TMCC1: variants seen among roughly 807,000 people sequenced by gnomAD.
The protein encoded by TMCC1 is transmembrane and coiled-coil domain family 1, also known as transmembrane and coiled-coil domains protein 1.
A neutral mutation model predicts 52.4 loss-of-function variants in TMCC1; 15 were observed. The ratio of observed to expected loss-of-function variants is 0.29; its 90% CI spans 0.19 to 0.44. The LOEUF (loss-of-function observed/expected upper bound fraction) is 0.44. TMCC1 is among the 20% of genes least tolerant of loss of function. The pLI is 1.00. For synonymous variants in TMCC1, 279 were observed against 301.9 expected, an observed-to-expected ratio of 0.92 and a Z score of 0.79; for missense variants, 503 against 806.0, an observed-to-expected ratio of 0.62 and a Z score of 4.55.
intron 2 of TMCC1, among the ~76,000 whole-genome samples, chr3:129,870,452 T>C (rs2060857065): frequency 6.6e-6 from 1 of 151,942 alleles, no homozygotes; most frequent in South Asian, 2.1e-4. Context: ...TGGTGGCTAA[T>C]GAGGCTGGAC....
intron 4 of TMCC1, among the ~76,000 whole-genome samples, chr3:129,732,495 C>T (rs2050622121): frequency 6.6e-6 from 1 of 152,124 alleles, no homozygotes; most frequent in Non-Finnish European, 1.5e-5. Context: ...CATGAATAAG[C>T]TCAAAAATTC....
intron 4 of TMCC1, among the ~76,000 whole-genome samples, chr3:129,797,706 C>T (rs916671281): frequency 2.6e-5 from 4 of 152,152 alleles, no homozygotes; most frequent in Admixed American, 2.6e-4. Context: ...GATCATGCCA[C>T]TGCACTCCAG....
chr3:129,843,500 TAAAC>T lies in TMCC1; in HGVS notation c.-183-10678_-183-10675del, dbSNP rs137900582. Reference sequence around the variant, plus strand: ...ACTTATAGCCAGGCTATCCAAGAAATAAACAAAGACATAAATTACCAATATCAGG... The same window carrying T: ...ACTTATAGCCAGGCTATCCAAGAAATAAAGACATAAATTACCAATATCAGG... On this transcript the variant is annotated intron_variant, in intron 2 of 6. Transcript: ENST00000393238. Among the ~76,000 whole-genome samples the T allele has an allele frequency of 8.0e-3, 1,212 of 151,846 alleles. 10 individuals are homozygous for T. Among genetic ancestry groups the T allele is most frequent in the African/African-American group, 0.027 (1,106 of 41,438 alleles).
intron 2 of TMCC1, among the ~76,000 whole-genome samples, chr3:129,865,251 T>A (rs1428522556): frequency 1.3e-5 from 2 of 151,708 alleles, no homozygotes; most frequent in African/African-American, 4.8e-5. Flanking sequence ...AACCTCCACC[T>A]CCCAGGCTCA....
At chr3:129,711,659 A>ACATG (rs1415670391) in intron 4 of TMCC1, among the ~76,000 whole-genome samples, 1 of 151,990 alleles carries the variant, frequency 6.6e-6, no homozygotes, top group East Asian at 1.9e-4. Flanking sequence ...AGCCTGGCCA[A>ACATG]CATGATGAAA....
intron 4 of TMCC1, among the ~76,000 whole-genome samples, chr3:129,681,973 G>T (rs2089030394): frequency 6.7e-6 from 1 of 149,004 alleles, no homozygotes; most frequent in East Asian, 2.0e-4. Context: ...AAAGGGAGAG[G>T]CCAGAAAAGC....
intron 4 of TMCC1, among the ~76,000 whole-genome samples, chr3:129,678,694 T>C (rs897471696): frequency 6.6e-6 from 1 of 152,118 alleles, no homozygotes; most frequent in South Asian, 2.1e-4. Flanking sequence ...CACTATGGAA[T>C]GGGTATTATT....
chr3:129,685,104 T>G (rs1374101881), intron 4 of TMCC1, among the ~76,000 whole-genome samples: 1 of 152,016 alleles, frequency 6.6e-6, no homozygotes, highest in African/African-American at 2.4e-5. Flanking sequence ...GCTAGCTGGG[T>G]GCAGTGGCTC....
chr3:129,779,385 T>A (rs2055324657), intron 4 of TMCC1, among the ~76,000 whole-genome samples: 1 of 152,184 alleles, frequency 6.6e-6, no homozygotes, highest in African/African-American at 2.4e-5. Flanking sequence ...TTCTTAACAA[T>A]CACATTATCT....
rs757388533 is a variant in TMCC1, at chr3:129,877,121, AC to A, written c.-184+3187del. On this transcript the variant is annotated intron_variant, in intron 2 of 6. Coordinates refer to ENST00000393238, the MANE Select transcript of TMCC1 (RefSeq NM_001017395.5). ...CAGAGTTACAGATTTTTATCTGAATACCCAGTCTCATCAGGGTTTAGGAAAT... is the reference window on the plus strand; with the variant it reads ...CAGAGTTACAGATTTTTATCTGAATACCAGTCTCATCAGGGTTTAGGAAAT... 5.3e-5 allele frequency among the ~76,000 whole-genome samples: 8 copies of A among 152,190 alleles called. No individual in the cohort carries two copies. In the East Asian group the frequency reaches 9.6e-4, roughly 18 times the overall value.
At chr3:129,663,968 C>G (rs2087248021) in intron 5 of TMCC1, among the ~76,000 whole-genome samples, 1 of 152,186 alleles carries the variant, frequency 6.6e-6, no homozygotes, top group Admixed American at 6.5e-5. Context: ...GTTATGTAAT[C>G]TACTCAGAGC....
intron 2 of TMCC1, among the ~76,000 whole-genome samples, chr3:129,866,378 GTTT>G (rs1160648900): frequency 1.9e-5 from 2 of 108,036 alleles, no homozygotes; most frequent in Non-Finnish European, 3.8e-5. Context: ...ATATATATAT[GTTT>G]TTTTTTTTTT....
chr3:129,782,707 G>T (rs961011262), intron 4 of TMCC1, among the ~76,000 whole-genome samples: 2 of 152,160 alleles, frequency 1.3e-5, no homozygotes, highest in Admixed American at 1.3e-4. Flanking sequence ...GGCATCTCCT[G>T]GGAATGTGTG....
At chr3:129,776,839 T>G (rs1241181256) in intron 4 of TMCC1, among the ~76,000 whole-genome samples, 1 of 152,162 alleles carries the variant, frequency 6.6e-6, no homozygotes, top group Non-Finnish European at 1.5e-5. Flanking sequence ...CTCACTATAT[T>G]GCCCAGGCTG....
chr3:129,761,247 G>A (rs2053563877), intron 4 of TMCC1, among the ~76,000 whole-genome samples: 2 of 150,982 alleles, frequency 1.3e-5, no homozygotes, highest in African/African-American at 4.9e-5. Flanking sequence ...AGAATGGCGT[G>A]AACCTGGGAG....
intron 4 of TMCC1, among the ~76,000 whole-genome samples, chr3:129,764,779 ATATATATATATTTTTTTTTTT>A (rs2053964091): frequency 1.5e-5 from 1 of 68,046 alleles, no homozygotes; most frequent in African/African-American, 7.5e-5. Context: ...ATATATATAT[ATATATATATATTTTTTTTTTT>A]TTTTTTTTTT....
At chr3:129,654,492 T>G (rs1176432246) in intron 6 of TMCC1, among the ~76,000 whole-genome samples, 1 of 152,186 alleles carries the variant, frequency 6.6e-6, no homozygotes, top group African/African-American at 2.4e-5. Context: ...AATTAAATAT[T>G]CTACTTCCTC....
At chr3:129,827,397 T>C (rs751884859) in intron 4 of TMCC1, among the ~76,000 whole-genome samples, 3 of 152,218 alleles carry the variant, frequency 2.0e-5, no homozygotes, top group Non-Finnish European at 4.4e-5. Flanking sequence ...TGTACTTCCA[T>C]GGTAAGCACA....
At chr3:129,889,350 T>A (rs189514379) in intron 1 of TMCC1, among the ~76,000 whole-genome samples, 2 of 152,074 alleles carry the variant, frequency 1.3e-5, no homozygotes. Flanking sequence ...GTCTGAGAAA[T>A]TGTCACAACC....
Sources: allele counts gnomAD v4.1 joint callset (sites outside exome capture counted in the v4.1 genomes callset), GRCh38; gene constraint gnomAD v4.1.1; transcripts MANE v1.5; gene names NCBI Gene and HGNC (gene_info 2026-07-23, HGNC 2026-07-21).